KLRF2: variants seen among roughly 807,000 people sequenced by gnomAD.
KLRF2 encodes killer cell lectin-like receptor subfamily F member 2.
Under a neutral mutation model 25.3 loss-of-function variants are expected in KLRF2, and 28 were observed. That is an observed-to-expected ratio of 1.11 (90% CI 0.82 to 1.52). The LOEUF is 1.52. Ranked by LOEUF, KLRF2 falls within the 40% of genes most tolerant of loss-of-function variation. The probability of loss-of-function intolerance (pLI) is 0.00; values close to 1 mark genes in which losing one functional copy is unlikely to be tolerated. For missense variants in KLRF2, 265 were observed against 245.8 expected, an observed-to-expected ratio of 1.08 and a Z score of -0.52; for synonymous variants, 73 against 85.0, an observed-to-expected ratio of 0.86 and a Z score of 0.78.
At position 9,881,552 on chromosome 12, in the gene KLRF2, T is replaced by A. The variant is rs1385340150; in HGVS notation, c.-44T>A. On this transcript the variant is annotated 5_prime_UTR_variant, in exon 1 of 6. Transcript: ENST00000535540. ...AAGGTTGAGATTAGTTTCCATTTTCTTTGTACTATTTTCTGGATAATAAGA... is the reference window on the plus strand; with the variant it reads ...AAGGTTGAGATTAGTTTCCATTTTCATTGTACTATTTTCTGGATAATAAGA... The A allele has an allele frequency of 7.4e-7, 1 of 1,353,684 alleles. No individual in the cohort carries two copies. Among genetic ancestry groups the A allele is most frequent in the Admixed American group, 2.0e-5 (1 of 50,198 alleles). 83.9% of individuals were successfully genotyped at this position (1,353,684 alleles called of 1,614,324 possible).
chr12:9,888,007 G>T (rs1307891456), intron 2 of KLRF2, among the ~76,000 whole-genome samples: 3 of 128,580 alleles, frequency 2.3e-5, no homozygotes, highest in Admixed American at 9.1e-5. Context: ...AGTGAGCCAT[G>T]ATGGCCCACT....
At chr12:9,884,342 T>C (rs10772220) in intron 1 of KLRF2, among the ~76,000 whole-genome samples, 1 of 151,818 alleles carries the variant, frequency 6.6e-6, no homozygotes, top group African/African-American at 2.4e-5. Context: ...AACTGACTCC[T>C]GTCTAAAGAG....
chr12:9,891,167 T>C (rs1862672152), intron 3 of KLRF2, among the ~76,000 whole-genome samples: 1 of 152,188 alleles, frequency 6.6e-6, no homozygotes, highest in South Asian at 2.1e-4. Flanking sequence ...AAAGATATTT[T>C]AGAAACTAAG....
At chr12:9,891,997 T>C (rs1443249270) in intron 3 of KLRF2, among the ~76,000 whole-genome samples, 3 of 152,186 alleles carry the variant, frequency 2.0e-5, no homozygotes, top group African/African-American at 7.2e-5. Context: ...TACTAAATGA[T>C]AAGAGAGTCA....
chr12:9,892,580 CTTTT>C (rs66824753), intron 3 of KLRF2, among the ~76,000 whole-genome samples: 3 of 104,832 alleles, frequency 2.9e-5, no homozygotes, highest in African/African-American at 3.8e-5. Flanking sequence ...TACAGAACTG[CTTTT>C]TTTTTTTTTT....
At chr12:9,895,562 A>C (rs1180667024) in intron 5 of KLRF2, 127 bp from the exon 6 acceptor site, 1 of 817,096 alleles carries the variant, frequency 1.2e-6, no homozygotes, top group East Asian at 2.8e-5. Context: ...TGAAAATTCC[A>C]TTCTAAAACC....
chr12:9,893,586 T>A, intron 5 of KLRF2, 45 bp downstream of exon 5: 1 of 659,354 alleles, frequency 1.5e-6, no homozygotes, highest in South Asian at 2.6e-5. Flanking sequence ...TTTATAGAAT[T>A]ATTTTTATAT....
At chr12:9,893,589 T>G (rs1469040179) in intron 5 of KLRF2, 48 bp downstream of exon 5, 1 of 664,750 alleles carries the variant, frequency 1.5e-6, no homozygotes, top group Non-Finnish European at 2.4e-6. Flanking sequence ...ATAGAATTAT[T>G]TTTATATTAA....
chr12:9,888,264 G>T (rs1402908802), intron 2 of KLRF2, among the ~76,000 whole-genome samples: 6 of 151,826 alleles, frequency 4.0e-5, no homozygotes, highest in Non-Finnish European at 7.4e-5. Context: ...GCCGAGGCGG[G>T]CGGATCACGA....
chr12:9,895,539 G>C, intron 5 of KLRF2, 150 bp from the exon 6 acceptor site: 3 of 632,382 alleles, frequency 4.7e-6, no homozygotes, highest in Non-Finnish European at 7.9e-6. Context: ...AGGAGAAGAG[G>C]CTGCATTAGC....
Position 9,881,546 on chromosome 12 carries a change from A to T in KLRF2, c.-50A>T. ...ATATCCAAGGTTGAGATTAGTTTCC[A>T]TTTTCTTTGTACTATTTTCTGGATA... On this transcript the variant is annotated 5_prime_UTR_variant, in exon 1 of 6. Transcript: ENST00000535540. The T allele has an allele frequency of 7.5e-7, 1 of 1,330,180 alleles. No individual in the cohort carries two copies. The highest frequency in any genetic ancestry group is 2.5e-5 in the East Asian group (1 of 39,700). The allele number at this position is 1,330,180 out of a possible 1,614,324, so 82.4% of individuals were successfully genotyped here. A position where few individuals can be genotyped will look rare whatever the true frequency, so the allele number is the denominator to read the frequency against.
intron 4 of KLRF2, 95 bp downstream of exon 4, chr12:9,893,263 T>G (rs572624416): frequency 8.4e-7 from 1 of 1,194,050 alleles, no homozygotes; most frequent in South Asian, 1.6e-5. Context: ...TTGTCGTTGC[T>G]TCTGAACATG....
At chr12:9,888,842 C>A in intron 3 of KLRF2, 62 bp downstream of exon 3, 1 of 996,508 alleles carries the variant, frequency 1.0e-6, no homozygotes, top group Non-Finnish European at 1.5e-6. Flanking sequence ...TGGCTTCCCT[C>A]TTCCTGGCGT....
intron 1 of KLRF2, among the ~76,000 whole-genome samples, chr12:9,884,704 A>G (rs936712164): frequency 4.6e-5 from 7 of 150,818 alleles, no homozygotes; most frequent in African/African-American, 1.7e-4. Context: ...TAGGTCCTCA[A>G]AAACACCACC....
At chr12:9,885,328 T>G (rs1321741913) in intron 2 of KLRF2, among the ~76,000 whole-genome samples, 1 of 62,052 alleles carries the variant, frequency 1.6e-5, no homozygotes, top group Non-Finnish European at 3.2e-5. Context: ...GAGATCATTA[T>G]TTAAGTATAT....
At position 9,883,261 on chromosome 12, in the gene KLRF2, C is replaced by A. The variant is rs560057560; in HGVS notation, c.70+1596C>A. Among the ~76,000 whole-genome samples, 4 of 152,168 alleles carry A rather than the reference C, an allele frequency of 2.6e-5. No homozygotes were observed. In the South Asian group the frequency reaches 6.2e-4, roughly 24 times the overall value. The stretch of plus-strand genomic sequence containing the variant: ...ATCCTAAATCAGAAAAAATATTTTC[C>A]TGAGTTCTCATGAAGCACATAAAAT... On this transcript the variant is annotated intron_variant, in intron 1 of 5. Coordinates refer to ENST00000535540, the MANE Select transcript of KLRF2 (RefSeq NM_001190765.1).
intron 5 of KLRF2, among the ~76,000 whole-genome samples, chr12:9,894,045 T>C (rs546260873): frequency 6.6e-6 from 1 of 152,096 alleles, no homozygotes; most frequent in African/African-American, 2.4e-5. Context: ...TCTTTTTCTT[T>C]CTTTCTTTCT....
chr12:9,885,605 C>T (rs531921492), intron 2 of KLRF2, among the ~76,000 whole-genome samples: 31 of 151,962 alleles, frequency 2.0e-4, no homozygotes, highest in Admixed American at 5.2e-4. Flanking sequence ...ACTTCTGTAG[C>T]GTAGAAGATC....
chr12:9,886,733 T>A (rs57707889), intron 2 of KLRF2, among the ~76,000 whole-genome samples: 65 of 148,052 alleles, frequency 4.4e-4, no homozygotes, highest in African/African-American at 1.6e-3. Flanking sequence ...GTCGGTCTAT[T>A]TACACAGTGG....
Sources: gnomAD v4.1 joint callset for allele counts (sites outside exome capture counted in the v4.1 genomes callset) on GRCh38, gnomAD v4.1.1 for gene constraint, MANE v1.5 for transcripts, NCBI Gene and HGNC (gene_info 2026-07-23, HGNC 2026-07-21) for gene names.